The following DNAH6 variants were observed in gnomAD, a reference collection of about 807,000 sequenced individuals.
DNAH6 encodes axonemal beta dynein heavy chain 6.
DNAH6 carries 340 observed loss-of-function variants against 491.4 expected under a neutral mutation model. That is an observed-to-expected ratio of 0.69 (90% CI 0.63 to 0.76). The LOEUF (loss-of-function observed/expected upper bound fraction) is 0.76, where lower values mean the gene tolerates loss of function less well. Ranked by LOEUF, DNAH6 falls within the 30% of genes least tolerant of loss-of-function variation. DNAH6 has a pLI of 0.00. For synonymous variants in DNAH6, 1,603 were observed against 1,686.1 expected, an observed-to-expected ratio of 0.95 and a Z score of 1.21; for missense variants, 4,443 against 4,972.2, an observed-to-expected ratio of 0.89 and a Z score of 3.20.
At chr2:84,726,252 A>G (rs1306500558) in intron 60 of DNAH6, among the ~76,000 whole-genome samples, 1 of 152,078 alleles carries the variant, frequency 6.6e-6, no homozygotes, top group Admixed American at 6.5e-5. Context: ...CACCATGAAC[A>G]ATATATCTTG....
intron 11 of DNAH6, among the ~76,000 whole-genome samples, chr2:84,570,700 C>T (rs766429652): frequency 7.2e-5 from 11 of 152,176 alleles, no homozygotes; most frequent in Admixed American, 1.3e-4. Flanking sequence ...GTAAGATGGA[C>T]CAATCAGCAG....
the DNAH6 span, among the ~76,000 whole-genome samples, chr2:84,497,296 T>A: frequency 3.1e-4 from 47 of 152,134 alleles, no homozygotes; most frequent in African/African-American, 1.1e-3. Context: ...CTTTTGTGTC[T>A]GGGTTTTTTT....
rs1573905185 is a variant in DNAH6, at chr2:84,819,240, T to C, written c.12374-65T>C. On this transcript the variant is annotated intron_variant, in intron 76 of 76. Transcript: ENST00000389394. The stretch of plus-strand genomic sequence containing the variant: ...CCAGATGTCTTGACTCTTTGTAGCC[T>C]CTCTCTTTGTATGAGGAAGTTATTC... The C allele has an allele frequency of 5.9e-6, 7 of 1,187,160 alleles. No homozygotes were observed. The East Asian group carries it at 1.3e-4, about 22-fold the overall frequency. 73.5% of individuals were successfully genotyped at this position (1,187,160 alleles called of 1,614,324 possible). A position where few individuals can be genotyped will look rare whatever the true frequency, so the allele number is the denominator to read the frequency against.
At chr2:84,567,226 A>G (rs1265435422) in intron 11 of DNAH6, among the ~76,000 whole-genome samples, 3 of 152,118 alleles carry the variant, frequency 2.0e-5, no homozygotes, top group African/African-American at 7.2e-5. Context: ...AATATTTCCA[A>G]TACTAGAGAG....
At chr2:84,686,971 G>GGTCT (rs1470832265) in intron 44 of DNAH6, among the ~76,000 whole-genome samples, 1 of 152,090 alleles carries the variant, frequency 6.6e-6, no homozygotes, top group East Asian at 1.9e-4. Flanking sequence ...GAAGCGGAGA[G>GGTCT]GTCTAGTCTT....
intron 70 of DNAH6, among the ~76,000 whole-genome samples, chr2:84,798,088 A>G (rs1481467682): frequency 6.6e-6 from 1 of 152,260 alleles, no homozygotes; most frequent in African/African-American, 2.4e-5. Context: ...TCCAAAGCAG[A>G]TAAATTAAAA....
the DNAH6 span, among the ~76,000 whole-genome samples, chr2:84,488,269 G>A: frequency 6.6e-6 from 1 of 151,942 alleles, no homozygotes; most frequent in Admixed American, 6.6e-5. Flanking sequence ...CTGTTCTGGA[G>A]GTCAGAAATC....
At chr2:84,717,377 C>A (rs888280439) in intron 58 of DNAH6, among the ~76,000 whole-genome samples, 1 of 152,192 alleles carries the variant, frequency 6.6e-6, no homozygotes, top group African/African-American at 2.4e-5. Flanking sequence ...CTGAATTCAG[C>A]ATGTACATAA....
intron 52 of DNAH6, 41 bp from the exon 53 acceptor site, chr2:84,706,855 T>G (rs868362371): frequency 6.6e-7 from 1 of 1,512,956 alleles, no homozygotes; most frequent in Non-Finnish European, 8.8e-7. Flanking sequence ...AATTCAGCCT[T>G]TTTTTGGCCC....
At chr2:84,601,651 TA>T (rs35306339) in intron 18 of DNAH6, among the ~76,000 whole-genome samples, 146,812 of 152,050 alleles carry the variant, frequency 0.97, 70,925 homozygotes, top group East Asian at 1. Flanking sequence ...CCTATTTTTT[TA>T]ATCCAGTCTG....
the DNAH6 span, among the ~76,000 whole-genome samples, chr2:84,489,843 T>G: frequency 1.1e-4 from 16 of 152,228 alleles, no homozygotes; most frequent in African/African-American, 2.4e-5. Context: ...CCAGAGTTTC[T>G]GATTCAGTAG....
At position 84,626,833 on chromosome 2, in the gene DNAH6, C is replaced by T. The variant is rs539134296; in HGVS notation, c.4515+1770C>T. On this transcript the variant is annotated intron_variant, in intron 29 of 76. Coordinates refer to ENST00000389394, the MANE Select transcript of DNAH6 (RefSeq NM_001370.2). ...GGCCAGGCTGGTCTGGTCTTGAACT[C>T]CTGACCTCGTGATCCACCCGCTTTG... Among the ~76,000 whole-genome samples the T allele has an allele frequency of 2.6e-5, 4 of 152,140 alleles. No individual in the cohort carries two copies. The South Asian group carries it at 8.3e-4, about 31-fold the overall frequency.
intron 68 of DNAH6, among the ~76,000 whole-genome samples, chr2:84,791,627 T>C (rs1677755940): frequency 6.6e-6 from 1 of 150,688 alleles, no homozygotes; most frequent in South Asian, 2.1e-4. Flanking sequence ...CTCTGTAAAT[T>C]TACCAAAAAT....
chr2:84,813,849 G>A, intron 74 of DNAH6, 122 bp from the exon 75 acceptor site: 1 of 941,528 alleles, frequency 1.1e-6, no homozygotes, highest in Non-Finnish European at 1.6e-6. Flanking sequence ...ATTAAGAGTT[G>A]GGTCTTCTCT....
At chr2:84,608,144 T>C (rs1256307520) in intron 21 of DNAH6, among the ~76,000 whole-genome samples, 1 of 152,180 alleles carries the variant, frequency 6.6e-6, no homozygotes, top group Non-Finnish European at 1.5e-5. Context: ...ATTGCAGCAA[T>C]TCAGTCGCCT....
At chr2:84,758,495 C>T (rs1006402086) in intron 63 of DNAH6, among the ~76,000 whole-genome samples, 1 of 151,878 alleles carries the variant, frequency 6.6e-6, no homozygotes, top group African/African-American at 2.4e-5. Flanking sequence ...GACCAATATC[C>T]CTGATAAATA....
At chr2:84,488,419 T>TA in the DNAH6 span, among the ~76,000 whole-genome samples, 8 of 151,586 alleles carry the variant, frequency 5.3e-5, no homozygotes, top group Admixed American at 4.6e-4. Context: ...TTAAAAAAAT[T>TA]AAAAAAAAGA....
chr2:84,515,076 A>G (rs1675502235), upstream of DNAH6, among the ~76,000 whole-genome samples: 1 of 152,154 alleles, frequency 6.6e-6, no homozygotes, highest in Non-Finnish European at 1.5e-5. Context: ...TATTCTGAGG[A>G]TGTGTCTAAC....
chr2:84,595,698 A>T lies in DNAH6; in HGVS notation c.2777A>T (p.Tyr926Phe), dbSNP rs771229859. 6.4e-7 allele frequency: 1 copy of T among 1,551,142 alleles called. No homozygotes were observed. Among genetic ancestry groups the T allele is most frequent in the Non-Finnish European group, 8.7e-7 (1 of 1,146,752 alleles). The change falls in exon 18 of 77, where the codon TAT becomes TTT. Residue 926 changes from tyrosine to phenylalanine, a missense_variant. By Grantham distance (22) the Tyr-to-Phe change is conservative. This residue lies in a region of DNAH6 where 2,977 missense variants were observed against 3,296.6 expected (regional missense o/e 0.90). Coordinates refer to ENST00000389394, the MANE Select transcript of DNAH6 (RefSeq NM_001370.2). Reference protein sequence around the residue: ...PEVLNGQVSKYAKFVTQLEKG... With the variant: ...PEVLNGQVSKFAKFVTQLEKG... Reference sequence around the variant, plus strand: ...GTCCTAAACGGTCAAGTTTCTAAATATGCTAAATTTGTGACTCAACTGGAA... The same window carrying T: ...GTCCTAAACGGTCAAGTTTCTAAATTTGCTAAATTTGTGACTCAACTGGAA...
Sources: gnomAD v4.1 joint callset for allele counts (sites outside exome capture counted in the v4.1 genomes callset) on GRCh38, gnomAD v4.1.1 for gene constraint, gnomAD v4.1.1 regional missense constraint, MANE v1.5 for transcripts, NCBI Gene and HGNC (gene_info 2026-07-23, HGNC 2026-07-21) for gene names.